Variants in RMND5B observed in about 807,000 individuals in gnomAD.
RMND5B encodes required for meiotic nuclear division 5 homolog B.
Under a neutral mutation model 50.4 loss-of-function variants are expected in RMND5B, and 42 were observed. The ratio of observed to expected loss-of-function variants is 0.83; its 90% CI spans 0.65 to 1.08. The LOEUF (loss-of-function observed/expected upper bound fraction) is 1.08, where lower values mean the gene tolerates loss of function less well. Ranked by LOEUF, RMND5B falls within the 50% of genes least tolerant of loss-of-function variation. The pLI is 0.00. For synonymous variants in RMND5B, 220 were observed against 210.0 expected (o/e 1.05, Z -0.41); for missense variants, 463 against 508.5 (o/e 0.91, Z 0.86).
chr5:178,143,536 CTT>C (rs1226115979), intron 5 of RMND5B, 89 bp from the exon 6 acceptor site: 1 of 1,024,420 alleles, frequency 9.8e-7, no homozygotes, highest in East Asian at 2.4e-5. Context: ...TCTGGCCTGT[CTT>C]TGGCGGGTGA....
At chr5:178,132,670 G>A (rs533106329) in intron 2 of RMND5B, among the ~76,000 whole-genome samples, 35 of 150,952 alleles carry the variant, frequency 2.3e-4, no homozygotes, top group Admixed American at 1.4e-3. Flanking sequence ...GGAGGTCGAG[G>A]CTGCAGTGAG....
chr5:178,135,695 T>A (rs375353315), intron 2 of RMND5B, among the ~76,000 whole-genome samples: 3 of 152,202 alleles, frequency 2.0e-5, no homozygotes, highest in Admixed American at 6.5e-5. Flanking sequence ...TTTTATCGCT[T>A]CTCAGCCTTT....
intron 8 of RMND5B, chr5:178,146,683 G>A (rs531249983): frequency 4.2e-5 from 7 of 167,998 alleles, no homozygotes; most frequent in African/African-American, 1.7e-4. Flanking sequence ...TATGTATTCA[G>A]CACTGCTGCT....
intron 7 of RMND5B, among the ~76,000 whole-genome samples, chr5:178,145,546 GACACC>G (rs1452982336): frequency 1.3e-5 from 2 of 150,804 alleles, no homozygotes; most frequent in African/African-American, 4.9e-5. Flanking sequence ...ACAAGTGCCT[GACACC>G]ACAACCACGT....
At chr5:178,136,148 C>A (rs1187501491) in intron 2 of RMND5B, 1 of 152,156 alleles carries the variant, frequency 6.6e-6, no homozygotes, top group East Asian at 1.9e-4. Flanking sequence ...TTCCCAGACG[C>A]CTGACCTTGG....
chr5:178,138,088 A>G lies in RMND5B; in HGVS notation c.-12-20A>G. 1 of 1,560,578 alleles carries G rather than the reference A, an allele frequency of 6.4e-7. No homozygotes were observed. The highest frequency in any genetic ancestry group is 8.7e-7 in the Non-Finnish European group (1 of 1,152,930). On this transcript the variant is annotated intron_variant, in intron 2 of 10. Coordinates refer to ENST00000313386, the MANE Select transcript of RMND5B (RefSeq NM_022762.5). This position sits in a 1 kb window ranked among gnomAD's most constrained non-coding sequence, Gnocchi z 5.1. ...GCCACCGTGGCCCAGATGGGGCCTG[A>G]CCCAGCTGACCCTCCCCAGGCTGAG... is the stretch of plus-strand genomic sequence containing the variant.
chr5:178,143,600 TG>T, intron 5 of RMND5B, 26 bp from the exon 6 acceptor site: 1 of 1,536,338 alleles, frequency 6.5e-7, no homozygotes, highest in Non-Finnish European at 9.0e-7. Flanking sequence ...CTTCCAGTGG[TG>T]GGATCTCTTC....
intron 7 of RMND5B, 103 bp from the exon 8 acceptor site, chr5:178,146,011 C>G: frequency 8.1e-7 from 1 of 1,234,232 alleles, no homozygotes; most frequent in Admixed American, 2.5e-5. Flanking sequence ...TTGGGAGCCA[C>G]CGGGCTCAGC....
rs1396853174 is a variant in RMND5B at position 178,147,758 on chromosome 5, G to T, written c.993G>T (p.Trp331Cys). The T allele has an allele frequency of 8.1e-6, 13 of 1,614,032 alleles. No individual in the cohort carries two copies. Among genetic ancestry groups the T allele is most frequent in the African/African-American group, 1.3e-5 (1 of 74,902 alleles). ...PIEIELGMKC[W>C]YHSVFACPIL... ...AGATTGAACTAGGCATGAAGTGCTG[G>T]TACCACTCCGTGTTCGCTTGCCCCA... Residue 331 changes from tryptophan to cysteine, a missense_variant, in exon 10 of 11, where the codon TGG becomes TGT. Physicochemically the swap from Trp to Cys is radical, Grantham distance 215. Transcript: ENST00000313386.
At chr5:178,143,780 A>G in intron 6 of RMND5B, 53 bp downstream of exon 6, 1 of 1,481,032 alleles carries the variant, frequency 6.8e-7, no homozygotes, top group South Asian at 1.1e-5. Context: ...CTCTCAGGGC[A>G]CAGGGCTTGA....
intron 3 of RMND5B, 70 bp from the exon 4 acceptor site, chr5:178,142,513 G>C: frequency 6.5e-7 from 1 of 1,536,582 alleles, no homozygotes; most frequent in Middle Eastern, 1.8e-4. Flanking sequence ...TTAGAATAGA[G>C]CTAAGGTCTG....
chr5:178,142,813 T>C lies in RMND5B; in HGVS notation c.286-39T>C, dbSNP rs774291519. On this transcript the variant is annotated intron_variant, in intron 4 of 10. Coordinates refer to ENST00000313386, the MANE Select transcript of RMND5B (RefSeq NM_022762.5). ...GGACTCGAAGGAGAGCCAGCAAGAG[T>C]GCCCGCATCACCAGGCCCTGTCTCT... is the stretch of plus-strand genomic sequence containing the variant. 1.9e-6 allele frequency: 3 copies of C among 1,614,054 alleles called. No homozygotes were observed. In the Admixed American group the frequency reaches 5.0e-5, roughly 27 times the overall value.
chr5:178,146,536 C>T, intron 8 of RMND5B: 1 of 457,314 alleles, frequency 2.2e-6, no homozygotes. Context: ...GAATGAGGTC[C>T]CTGCCTCTCT....
rs1312487874 is a variant in RMND5B at position 178,147,869 on chromosome 5, C to T, written c.1104C>T (p.Leu368=). The T allele has an allele frequency of 1.2e-6, 2 of 1,614,036 alleles. No homozygotes were observed. The highest frequency in any genetic ancestry group is 3.3e-5 in the Admixed American group (2 of 59,988). Residue 368 remains leucine (L), a synonymous_variant, in exon 10 of 11, where the codon CTC becomes CTT. Coordinates refer to ENST00000313386, the MANE Select transcript of RMND5B (RefSeq NM_022762.5). ...TCTCCCGAGATGCACTCAATAAGCT[C>T]ATTAATGGAGGAAAGTAAGTTCCCC... The part of the protein sequence containing the change: ...HVISRDALNK[L]INGGKLKCPY...
intron 7 of RMND5B, among the ~76,000 whole-genome samples, chr5:178,144,866 AAAAAT>A (rs1197266829): frequency 1.3e-5 from 2 of 152,128 alleles, no homozygotes; most frequent in Non-Finnish European, 2.9e-5. Flanking sequence ...CATCTCTACA[AAAAAT>A]AAAATAAAAA....
rs1758258182 is a variant in RMND5B, at chr5:178,131,037, C to CCGGGGCTG, written c.-163_-156dup. ...ATGACAGTGGCGCCGGAAGCCGGGG[C>CCGGGGCTG]CGGGGCTGCGGGGCGAGGTGAGAGC... On this transcript the variant is annotated 5_prime_UTR_variant, in exon 1 of 11. Coordinates refer to ENST00000313386, the MANE Select transcript of RMND5B (RefSeq NM_022762.5). 6.6e-6 allele frequency: 1 copy of CCGGGGCTG among 151,510 alleles called. No individual in the cohort carries two copies. Among genetic ancestry groups the CCGGGGCTG allele is most frequent in the Non-Finnish European group, 1.5e-5 (1 of 67,932 alleles). 9.4% of individuals were successfully genotyped at this position (151,510 alleles called of 1,614,324 possible).
intron 2 of RMND5B, among the ~76,000 whole-genome samples, chr5:178,131,912 T>C (rs1178421570): frequency 2.0e-5 from 3 of 152,106 alleles, no homozygotes; most frequent in African/African-American, 7.2e-5. Flanking sequence ...AGTCTGTAGG[T>C]CAGAGAGAGG....
At chr5:178,141,144 A>T (rs6893797) in intron 3 of RMND5B, among the ~76,000 whole-genome samples, 108,837 of 152,084 alleles carry the variant, frequency 0.72, 39,248 homozygotes, top group Admixed American at 0.78. Flanking sequence ...GACCAGAGGG[A>T]GTCCCTGGTT....
At chr5:178,146,381 C>A in intron 8 of RMND5B, 102 bp downstream of exon 8, 1 of 1,123,106 alleles carries the variant, frequency 8.9e-7, no homozygotes, top group Non-Finnish European at 1.3e-6. Flanking sequence ...TCGGTGCTTT[C>A]AGAGACCGAA....
Sources: gnomAD v4.1 joint callset for allele counts (sites outside exome capture counted in the v4.1 genomes callset) on GRCh38, gnomAD v4.1.1 for gene constraint, Gnocchi (gnomAD v3.1) non-coding constraint, MANE v1.5 for transcripts, NCBI Gene and HGNC (gene_info 2026-07-23, HGNC 2026-07-21) for gene names.